The following PREX1 variants were observed in gnomAD, a reference collection of about 807,000 sequenced individuals.
PREX1 encodes phosphatidylinositol-3,4,5-trisphosphate dependent Rac exchange factor 1, also known as phosphatidylinositol 3,4,5-trisphosphate-dependent Rac exchanger 1 protein.
Under a neutral mutation model 198.3 loss-of-function variants are expected in PREX1, and 41 were observed. That is an observed-to-expected ratio of 0.21 (90% CI 0.16 to 0.27). The LOEUF is 0.27. PREX1 is among the 10% of genes least tolerant of loss of function. The probability of loss-of-function intolerance (pLI) is 1.00; values close to 1 mark genes in which losing one functional copy is unlikely to be tolerated. For missense variants in PREX1, 1,620 were observed against 2,200.7 expected (o/e 0.74, Z 5.28); for synonymous variants, 843 against 887.2 (o/e 0.95, Z 0.89).
the PREX1 span, among the ~76,000 whole-genome samples, chr20:48,873,164 A>G: frequency 1.3e-5 from 2 of 152,232 alleles, no homozygotes; most frequent in African/African-American, 4.8e-5. Flanking sequence ...TGGGCTACTC[A>G]GGGCATGTTC....
intron 4 of PREX1, among the ~76,000 whole-genome samples, chr20:48,733,373 C>A (rs1157348969): frequency 6.6e-6 from 1 of 152,202 alleles, no homozygotes; most frequent in African/African-American, 2.4e-5. Context: ...AACACCACCA[C>A]CAATTACTCT....
intron 1 of PREX1, among the ~76,000 whole-genome samples, chr20:48,763,411 G>A (rs1353217975): frequency 1.3e-5 from 2 of 152,152 alleles, no homozygotes; most frequent in Non-Finnish European, 2.9e-5. Context: ...CAAGTCACTC[G>A]GGGCCCCAGG....
the PREX1 span, among the ~76,000 whole-genome samples, chr20:48,835,903 T>C: frequency 1.6e-3 from 245 of 152,228 alleles, no homozygotes; most frequent in Middle Eastern, 0.01. Flanking sequence ...GCAAGAGACA[T>C]TGATGACTTG....
Position 48,704,046 on chromosome 20 carries a change from A to G in PREX1, c.784-3160T>C, listed in dbSNP as rs371346695. On this transcript the variant is annotated intron_variant, in intron 6 of 39. Transcript: ENST00000371941. ...ACACACTCAAAGCCAATACATGCGT[A>G]GGGGCGGCCACATGCCACGCACTGT... Among the ~76,000 whole-genome samples the G allele has an allele frequency of 1.5e-3, 236 of 152,324 alleles. 1 individual carries two copies. The highest frequency in any genetic ancestry group is 5.4e-3 in the African/African-American group (225 of 41,570).
At chr20:48,773,250 G>C (rs2090244981) in intron 1 of PREX1, among the ~76,000 whole-genome samples, 1 of 121,902 alleles carries the variant, frequency 8.2e-6, no homozygotes, top group Admixed American at 1.1e-4. Context: ...CTGAGTGATA[G>C]AGTGAGACTT....
rs376069738 is a variant in PREX1, at chr20:48,645,854, T to C, written c.3509A>G (p.Tyr1170Cys). The change falls in exon 26 of 40, where the codon TAC becomes TGC. Residue 1170 changes from tyrosine to cysteine, a missense_variant. Coordinates refer to ENST00000371941, the MANE Select transcript of PREX1 (RefSeq NM_020820.4). ...GCCCCCTGACGGTGACACCCACCTG[T>C]AGGAGTCGCGATAACTCATGGTGTC... ...GHDTMSYRDSYSECNSNRDSV... is the reference protein window; with the variant it reads ...GHDTMSYRDSCSECNSNRDSV... 181 of 1,613,902 alleles carry C rather than the reference T, an allele frequency of 1.1e-4. No homozygotes were observed. Among genetic ancestry groups the C allele is most frequent in the Non-Finnish European group, 1.5e-4 (174 of 1,179,966 alleles).
chr20:48,880,590 G>C, the PREX1 span, among the ~76,000 whole-genome samples: 26 of 152,116 alleles, frequency 1.7e-4, no homozygotes, highest in Non-Finnish European at 3.5e-4. Context: ...AAAAAATCCT[G>C]TAATCCCAGT....
intron 37 of PREX1, among the ~76,000 whole-genome samples, chr20:48,629,109 C>G (rs1459373303): frequency 6.6e-6 from 1 of 152,130 alleles, no homozygotes; most frequent in African/African-American, 2.4e-5. Context: ...AGGTAGGAGG[C>G]AGGGGAGCCT....
At chr20:48,626,778 T>A (rs1234497364) in intron 39 of PREX1, among the ~76,000 whole-genome samples, 1 of 152,252 alleles carries the variant, frequency 6.6e-6, no homozygotes, top group East Asian at 1.9e-4. Context: ...GAAGGGTCCA[T>A]GGAACTGTGG....
At chr20:48,650,709 G>A (rs769568965) in intron 23 of PREX1, among the ~76,000 whole-genome samples, 185 bp downstream of exon 23, 3 of 152,250 alleles carry the variant, frequency 2.0e-5, no homozygotes, top group Non-Finnish European at 4.4e-5. Flanking sequence ...CAGGAGATGC[G>A]GAGAGGCCGC....
At chr20:48,875,521 C>T in the PREX1 span, among the ~76,000 whole-genome samples, 2 of 152,088 alleles carry the variant, frequency 1.3e-5, no homozygotes, top group African/African-American at 2.4e-5. Flanking sequence ...TAAGAGGGCA[C>T]AGTCAGGGCG....
Position 48,653,955 on chromosome 20 carries a change from G to A in PREX1, c.2210-458C>T, listed in dbSNP as rs142900171. On this transcript the variant is annotated intron_variant, in intron 19 of 39. Transcript: ENST00000371941. ...TCAGCTATTCCACAATCCCCAAACC[G>A]TAGGTCTTGAACCCAGGGTTTTTTT... 2.9e-3 allele frequency among the ~76,000 whole-genome samples: 435 copies of A among 152,338 alleles called. 6 individuals are homozygous for A. Among genetic ancestry groups the A allele is most frequent in the African/African-American group, 0.01 (418 of 41,572 alleles).
intron 9 of PREX1, among the ~76,000 whole-genome samples, chr20:48,690,314 T>C (rs1017232772): frequency 1.5e-4 from 23 of 152,156 alleles, no homozygotes; most frequent in African/African-American, 3.9e-4. Flanking sequence ...TCCTGTAGCA[T>C]TGCAACCCTC....
intron 1 of PREX1, among the ~76,000 whole-genome samples, chr20:48,765,063 T>A (rs2090202360): frequency 6.6e-6 from 1 of 152,168 alleles, no homozygotes; most frequent in African/African-American, 2.4e-5. Flanking sequence ...CTGTGCTGTT[T>A]AAAGGCACAA....
At chr20:48,672,075 G>C (rs1363744326) in intron 14 of PREX1, among the ~76,000 whole-genome samples, 3 of 152,220 alleles carry the variant, frequency 2.0e-5, no homozygotes, top group Admixed American at 2.0e-4. Flanking sequence ...CTGGCCACGA[G>C]AAAGCCCCCC....
intron 1 of PREX1, among the ~76,000 whole-genome samples, chr20:48,789,549 G>A (rs763504730): frequency 2.0e-4 from 30 of 152,226 alleles, no homozygotes; most frequent in Non-Finnish European, 3.5e-4. Flanking sequence ...CACACAGCTT[G>A]TCTGTGGCAG....
rs1434549096 is a variant in PREX1 at position 48,649,311 on chromosome 20, G to T, written c.3294C>A (p.Thr1098=). The change falls in exon 25 of 40, where the codon ACC becomes ACA. Residue 1098 remains threonine, a synonymous_variant. Transcript: ENST00000371941. ...VALKEMKQYV[T]QINRLLSTIT... ...CGGCCAGCGCTCACCTGTTGATCTG[G>T]GTGACATATTGCTTCATCTCCTTCA... is the stretch of plus-strand genomic sequence containing the variant. 1.2e-6 allele frequency: 2 copies of T among 1,613,468 alleles called. No individual in the cohort carries two copies. The highest frequency in any genetic ancestry group is 1.7e-5 in the Admixed American group (1 of 60,000).
At chr20:48,813,836 A>G (rs2090447381) in intron 1 of PREX1, among the ~76,000 whole-genome samples, 1 of 152,232 alleles carries the variant, frequency 6.6e-6, no homozygotes. Context: ...CACACAAAAT[A>G]TCATTTTACC....
At chr20:48,824,542 C>T (rs1344843447) in intron 1 of PREX1, among the ~76,000 whole-genome samples, 3 of 152,202 alleles carry the variant, frequency 2.0e-5, no homozygotes, top group Non-Finnish European at 4.4e-5. Context: ...CCTACAACAA[C>T]AATAATAACC....
Sources: gnomAD v4.1 joint callset for allele counts (sites outside exome capture counted in the v4.1 genomes callset) on GRCh38, gnomAD v4.1.1 for gene constraint, MANE v1.5 for transcripts, NCBI Gene and HGNC (gene_info 2026-07-23, HGNC 2026-07-21) for gene names.